Variants in PDZRN4 observed in about 807,000 individuals in gnomAD.
The protein encoded by PDZRN4 is PDZ domain-containing RING finger protein 4.
A neutral mutation model predicts 99.0 loss-of-function variants in PDZRN4; 70 were observed. The ratio of observed to expected loss-of-function variants is 0.71; its 90% confidence interval spans 0.58 to 0.86. The LOEUF (loss-of-function observed/expected upper bound fraction) is 0.86. Ranked by LOEUF, PDZRN4 falls within the 40% of genes least tolerant of loss-of-function variation. PDZRN4 has a pLI of 0.00. For missense variants in PDZRN4, 1,474 were observed against 1,331.2 expected, an observed-to-expected ratio of 1.11 and a Z score of -1.67; for synonymous variants, 551 against 501.6, an observed-to-expected ratio of 1.10 and a Z score of -1.32.
At chr12:41,501,619 AT>A (rs1251821322) in intron 3 of PDZRN4, among the ~76,000 whole-genome samples, 4 of 152,132 alleles carry the variant, frequency 2.6e-5, no homozygotes, top group African/African-American at 4.8e-5. Flanking sequence ...GTATTCGCAC[AT>A]TTTTTACATT....
At chr12:41,355,756 C>T (rs927664957) in intron 3 of PDZRN4, among the ~76,000 whole-genome samples, 2 of 151,980 alleles carry the variant, frequency 1.3e-5, no homozygotes, top group Admixed American at 1.3e-4. Context: ...TCCAAGTTTT[C>T]TGGAGCTTGT....
intron 3 of PDZRN4, among the ~76,000 whole-genome samples, chr12:41,459,412 C>T (rs1269030233): frequency 6.6e-6 from 1 of 152,128 alleles, no homozygotes; most frequent in Non-Finnish European, 1.5e-5. Flanking sequence ...TTTTGGCCAA[C>T]CCAGTAATGC....
chr12:41,467,540 G>A (rs978261934), intron 3 of PDZRN4, among the ~76,000 whole-genome samples: 1 of 152,124 alleles, frequency 6.6e-6, no homozygotes, highest in South Asian at 2.1e-4. Context: ...GGAATTTCTG[G>A]GTTCTATATT....
chr12:41,409,622 A>T (rs1387372490), intron 3 of PDZRN4: 1 of 152,190 alleles, frequency 6.6e-6, no homozygotes, highest in Non-Finnish European at 1.5e-5. Context: ...TCTCAATAAG[A>T]TCCAGATATT....
At chr12:41,390,841 T>C (rs1294597017) in intron 3 of PDZRN4, among the ~76,000 whole-genome samples, 1 of 152,160 alleles carries the variant, frequency 6.6e-6, no homozygotes, top group Non-Finnish European at 1.5e-5. Flanking sequence ...TCATTTATTT[T>C]AAAACAAAGA....
intron 3 of PDZRN4, among the ~76,000 whole-genome samples, chr12:41,278,045 A>G (rs761885270): frequency 4.6e-5 from 7 of 152,252 alleles, no homozygotes; most frequent in Non-Finnish European, 7.3e-5. Context: ...AGCTGTAGCT[A>G]TAAGTCAACA....
chr12:41,350,311 G>T (rs1399699834), intron 3 of PDZRN4, among the ~76,000 whole-genome samples: 1 of 152,050 alleles, frequency 6.6e-6, no homozygotes, highest in Non-Finnish European at 1.5e-5. Flanking sequence ...CCAGAGTTTA[G>T]TGTTTTTCAT....
intron 3 of PDZRN4, among the ~76,000 whole-genome samples, chr12:41,234,419 G>A (rs1951051626): frequency 6.6e-6 from 1 of 152,038 alleles, no homozygotes; most frequent in South Asian, 2.1e-4. Context: ...CTAGAACCTA[G>A]GCTGAGGGTA....
intron 5 of PDZRN4, among the ~76,000 whole-genome samples, chr12:41,513,467 G>A (rs1324312521): frequency 6.6e-6 from 1 of 151,846 alleles, no homozygotes; most frequent in African/African-American, 2.4e-5. Flanking sequence ...AAAAATGATG[G>A]CACTTGTTCT....
At chr12:41,345,098 T>C (rs1951843921) in intron 3 of PDZRN4, among the ~76,000 whole-genome samples, 1 of 152,136 alleles carries the variant, frequency 6.6e-6, no homozygotes, top group Non-Finnish European at 1.5e-5. Flanking sequence ...AACTTTAATC[T>C]GTTTCATTTT....
intron 3 of PDZRN4, among the ~76,000 whole-genome samples, chr12:41,339,203 C>T (rs1951798052): frequency 6.6e-6 from 1 of 150,948 alleles, no homozygotes. Context: ...ACCAAAACAG[C>T]ACAGCCCTGG....
intron 3 of PDZRN4, among the ~76,000 whole-genome samples, chr12:41,456,979 G>C (rs1418537866): frequency 6.6e-6 from 1 of 152,168 alleles, no homozygotes; most frequent in South Asian, 2.1e-4. Flanking sequence ...TGTGGGCAAA[G>C]GGTGATGGCC....
chr12:41,217,169 T>A (rs112721904), intron 3 of PDZRN4, among the ~76,000 whole-genome samples: 73 of 152,208 alleles, frequency 4.8e-4, no homozygotes, highest in Admixed American at 1.0e-3. Flanking sequence ...GGACTTTCAG[T>A]CTTCAGGTTC....
At chr12:41,329,833 A>C (rs893582349) in intron 3 of PDZRN4, among the ~76,000 whole-genome samples, 10 of 152,118 alleles carry the variant, frequency 6.6e-5, no homozygotes, top group African/African-American at 2.4e-4. Context: ...ATTTCTGTAG[A>C]GTAAACCATC....
chr12:41,360,474 C>T (rs1951956377), intron 3 of PDZRN4, among the ~76,000 whole-genome samples: 1 of 151,970 alleles, frequency 6.6e-6, no homozygotes, highest in South Asian at 2.1e-4. Context: ...ACATTCAGTT[C>T]CAGCATATTT....
At chr12:41,439,902 C>T (rs1214330963) in intron 3 of PDZRN4, among the ~76,000 whole-genome samples, 1 of 152,116 alleles carries the variant, frequency 6.6e-6, no homozygotes, top group East Asian at 1.9e-4. Flanking sequence ...CCAGCTTTGC[C>T]TTCTATTTTA....
intron 3 of PDZRN4, chr12:41,437,862 C>T (rs2120457942): frequency 6.2e-7 from 1 of 1,611,364 alleles, no homozygotes. Flanking sequence ...GTAGTCAAGT[C>T]TGGAGGGTGA....
At chr12:41,266,310 C>CAAAAAAAAAAAAAAAAAAAAAAAAAAAA (rs777855203) in intron 3 of PDZRN4, among the ~76,000 whole-genome samples, 2 of 11,686 alleles carry the variant, frequency 1.7e-4, no homozygotes, top group African/African-American at 9.8e-4. Context: ...GACTCCGTCT[C>CAAAAAAAAAAAAAAAAAAAAAAAAAAAA]AAAAAAAAAA....
intron 3 of PDZRN4, among the ~76,000 whole-genome samples, chr12:41,493,625 T>G (rs1320402403): frequency 6.6e-6 from 1 of 152,124 alleles, no homozygotes; most frequent in South Asian, 2.1e-4. Flanking sequence ...ACCTGAAACC[T>G]TCAGTTGGTT....
Sources: allele counts gnomAD v4.1 joint callset (sites outside exome capture counted in the v4.1 genomes callset), GRCh38; gene constraint gnomAD v4.1.1; transcripts MANE v1.5; gene names NCBI Gene and HGNC (gene_info 2026-07-23, HGNC 2026-07-21).